The following IQGAP2 variants were observed in gnomAD, a reference collection of about 807,000 sequenced individuals.
IQGAP2 encodes ras GTPase-activating-like protein IQGAP2.
In IQGAP2, 173 loss-of-function variants were observed where a neutral mutation model predicts 201.3. That is an observed-to-expected ratio of 0.86 (90% CI 0.76 to 0.98). IQGAP2 has a LOEUF of 0.98. IQGAP2 is among the 50% of genes least tolerant of loss of function. The pLI is 0.00. For missense variants in IQGAP2, 1,687 were observed against 1,864.8 expected, an observed-to-expected ratio of 0.90 and a Z score of 1.76; for synonymous variants, 675 against 673.9, an observed-to-expected ratio of 1.00 and a Z score of -0.03.
chr5:76,409,263 T>TTG, intron 1 of IQGAP2, among the ~76,000 whole-genome samples: 1 of 136,440 alleles, frequency 7.3e-6, no homozygotes, highest in South Asian at 2.5e-4. Flanking sequence ...TTTTTTTTTT[T>TTG]TGAGACAGAG....
intron 3 of IQGAP2, among the ~76,000 whole-genome samples, chr5:76,567,961 C>A (rs1744868884): frequency 6.6e-6 from 1 of 152,146 alleles, no homozygotes; most frequent in South Asian, 2.1e-4. Context: ...TTGGCTAAAT[C>A]TGACTGTAGA....
intron 2 of IQGAP2, among the ~76,000 whole-genome samples, chr5:76,503,107 T>C (rs981145537): frequency 6.6e-6 from 1 of 152,206 alleles, no homozygotes; most frequent in Middle Eastern, 3.4e-3. Context: ...AAAGCTCAGA[T>C]TGACTTTTTA....
chr5:76,559,298 T>C (rs1744171296), intron 2 of IQGAP2, among the ~76,000 whole-genome samples: 1 of 152,236 alleles, frequency 6.6e-6, no homozygotes, highest in Non-Finnish European at 1.5e-5. Flanking sequence ...TCTTCCTGGC[T>C]GATCCCGTCC....
At chr5:76,665,696 G>A (rs1335436312) in intron 22 of IQGAP2, among the ~76,000 whole-genome samples, 1 of 152,142 alleles carries the variant, frequency 6.6e-6, no homozygotes, top group African/African-American at 2.4e-5. Flanking sequence ...TATTTTCATG[G>A]CATTACTATG....
intron 35 of IQGAP2, among the ~76,000 whole-genome samples, chr5:76,703,949 T>C (rs991046541): frequency 1.2e-4 from 18 of 152,274 alleles, no homozygotes; most frequent in African/African-American, 4.1e-4. Context: ...ATCATGGGAG[T>C]GTGTGCCAGA....
intron 9 of IQGAP2, among the ~76,000 whole-genome samples, chr5:76,595,800 A>AG: frequency 7.0e-6 from 1 of 142,664 alleles, no homozygotes; most frequent in South Asian, 2.2e-4. Context: ...GAGAGAGAGA[A>AG]AACAGTGTTT....
chr5:76,643,545 G>A (rs1457782549), intron 17 of IQGAP2, among the ~76,000 whole-genome samples: 1 of 152,148 alleles, frequency 6.6e-6, no homozygotes, highest in Non-Finnish European at 1.5e-5. Flanking sequence ...TAATGACTCA[G>A]AAGGCAGATA....
intron 20 of IQGAP2, among the ~76,000 whole-genome samples, chr5:76,656,623 T>G (rs548844689): frequency 9.8e-4 from 89 of 91,058 alleles, no homozygotes; most frequent in African/African-American, 3.4e-3. Flanking sequence ...GTTTTCATTT[T>G]ATTCAGGTAA....
At chr5:76,406,775 T>G (rs1750818319) in intron 1 of IQGAP2, among the ~76,000 whole-genome samples, 1 of 152,234 alleles carries the variant, frequency 6.6e-6, no homozygotes, top group African/African-American at 2.4e-5. Flanking sequence ...AACACTTAAG[T>G]GACTACAGTG....
chr5:76,664,375 A>C (rs548407780), intron 21 of IQGAP2, among the ~76,000 whole-genome samples: 6 of 152,326 alleles, frequency 3.9e-5, no homozygotes, highest in African/African-American at 1.4e-4. Flanking sequence ...CAAAACAATT[A>C]CAATAGTAAC....
chr5:76,530,687 A>G (rs1235006217), intron 2 of IQGAP2, among the ~76,000 whole-genome samples: 1 of 152,210 alleles, frequency 6.6e-6, no homozygotes, highest in African/African-American at 2.4e-5. Flanking sequence ...TTCACTACTA[A>G]GTGATTCTTT....
chr5:76,463,619 A>T (rs1439614787), intron 2 of IQGAP2, among the ~76,000 whole-genome samples: 2 of 152,302 alleles, frequency 1.3e-5, no homozygotes, highest in Admixed American at 1.3e-4. Context: ...CATCTTCTCT[A>T]GTATTTTTGA....
chr5:76,610,389 C>T (rs1748280789), intron 12 of IQGAP2, among the ~76,000 whole-genome samples: 1 of 151,554 alleles, frequency 6.6e-6, no homozygotes, highest in African/African-American at 2.4e-5. Context: ...TATGATACCA[C>T]TTCACACCCA....
intron 1 of IQGAP2, chr5:76,441,643 A>T (rs969184651): frequency 3.1e-6 from 1 of 321,650 alleles, no homozygotes; most frequent in African/African-American, 2.3e-5. Flanking sequence ...ACTACCTTTG[A>T]TCTCCTATGC....
intron 21 of IQGAP2, among the ~76,000 whole-genome samples, chr5:76,659,255 CT>C (rs1354979344): frequency 1.3e-5 from 2 of 151,980 alleles, no homozygotes; most frequent in Non-Finnish European, 2.9e-5. Flanking sequence ...ATGTATATAC[CT>C]TCAGAATAAG....
At chr5:76,462,257 T>G (rs1233133007) in intron 2 of IQGAP2, among the ~76,000 whole-genome samples, 1 of 152,198 alleles carries the variant, frequency 6.6e-6, no homozygotes, top group African/African-American at 2.4e-5. Flanking sequence ...CGCAGCCCAA[T>G]GATGATAAAT....
In IQGAP2 at chr5:76,693,380, A is replaced by G. The variant is rs1746447215; in HGVS notation, c.3931A>G (p.Ile1311Val). 1 of 1,613,858 alleles carries G rather than the reference A, an allele frequency of 6.2e-7. No individual in the cohort carries two copies. Among genetic ancestry groups the G allele is most frequent in the Non-Finnish European group, 8.5e-7 (1 of 1,179,798 alleles). ...IKTKKLIIDV[I>V]RNQPGNTLTE... ...GACCAAGAAGCTGATAATTGATGTG[A>G]TCCGGAACCAGCCAGGGAACACATT... Residue 1311 changes from isoleucine (I) to valine (V), a missense_variant, in exon 31 of 36, where the codon ATC becomes GTC. Transcript: ENST00000274364.
intron 1 of IQGAP2, among the ~76,000 whole-genome samples, chr5:76,435,199 T>C (rs994386485): frequency 2.0e-5 from 3 of 152,122 alleles, no homozygotes; most frequent in African/African-American, 7.2e-5. Flanking sequence ...GCAGAAGCTT[T>C]TTAGTTTAGT....
intron 1 of IQGAP2, among the ~76,000 whole-genome samples, chr5:76,454,919 A>G (rs897996839): frequency 2.1e-4 from 32 of 152,272 alleles, no homozygotes; most frequent in African/African-American, 7.7e-4. Context: ...ACAGTGTAAA[A>G]GTGTTCCTAT....
Sources: allele counts gnomAD v4.1 joint callset (sites outside exome capture counted in the v4.1 genomes callset), GRCh38; gene constraint gnomAD v4.1.1; transcripts MANE v1.5; gene names NCBI Gene and HGNC (gene_info 2026-07-23, HGNC 2026-07-21).